UBR4: variants seen among roughly 807,000 people sequenced by gnomAD.
The protein encoded by UBR4 is E3 ubiquitin-protein ligase UBR4.
A neutral mutation model predicts 575.6 loss-of-function variants in UBR4; 124 were observed. That is an observed-to-expected ratio of 0.22 (90% CI 0.19 to 0.25). UBR4 has a LOEUF of 0.25. Ranked by LOEUF, UBR4 falls within the 10% of genes least tolerant of loss-of-function variation. UBR4 has a pLI of 1.00. For synonymous variants in UBR4, 2,455 were observed against 2,473.7 expected (o/e 0.99, Z 0.22); for missense variants, 4,818 against 6,478.8 (o/e 0.74, Z 8.80).
chr1:19,095,757 G>A (rs1358844648), intron 92 of UBR4, 105 bp from the exon 93 acceptor site: 7 of 1,003,308 alleles, frequency 7.0e-6, no homozygotes, highest in African/African-American at 1.6e-5. Flanking sequence ...ATCAGCAGGG[G>A]CTCCTCCTGA....
In UBR4 at chr1:19,151,807, G is replaced by C; in HGVS notation, c.7049C>G (p.Thr2350Arg). 6.2e-7 allele frequency: 1 copy of C among 1,613,946 alleles called. No individual in the cohort carries two copies. Among genetic ancestry groups the C allele is most frequent in the Non-Finnish European group, 8.5e-7 (1 of 1,179,928 alleles). The change falls in exon 48 of 106, where the codon ACA becomes AGA. Residue 2350 changes from threonine to arginine, a missense_variant. Physicochemically the swap from Thr to Arg is moderately conservative, Grantham distance 71 (BLOSUM62 -1). This residue lies in a region of UBR4 where 461 missense variants were observed against 606.9 expected (regional missense o/e 0.76). Transcript: ENST00000375254. The stretch of plus-strand genomic sequence containing the variant: ...AGTCCCAATCTGGATCCGCATGCCT[G>C]TCATCACCATAGTGCTATTGTTGTT... ...ISNNNSTMVM[T>R]GMRIQIGTQA...
rs187760206 is a variant in UBR4 at position 19,138,668 on chromosome 1, C to A, written c.8731+415G>T. ...CACATCAGATCATTAACAATAAGAT[C>A]GCTTAAAAAAAAACCCTTCCCCAAA... On this transcript the variant is annotated intron_variant, in intron 59 of 105. Coordinates refer to ENST00000375254, the MANE Select transcript of UBR4 (RefSeq NM_020765.3). 1.0e-3 allele frequency among the ~76,000 whole-genome samples: 155 copies of A among 150,290 alleles called. 3 individuals carry two copies. The East Asian group carries it at 0.023, about 22-fold the overall frequency.
Position 19,170,888 on chromosome 1 carries a change from G to A in UBR4, c.3522-5C>T, listed in dbSNP as rs2089426527. On this transcript the variant is annotated splice_polypyrimidine_tract_variant and splice_region_variant and intron_variant, in intron 25 of 105. Transcript: ENST00000375254. ...AAGTTTTGCAGCAAATAGGCTCTGG[G>A]GAAAAAACAGGGGGAAAGTGAAGCC... 3 of 1,613,890 alleles carry A rather than the reference G, an allele frequency of 1.9e-6. No individual in the cohort carries two copies. The East Asian group carries it at 6.7e-5, about 36-fold the overall frequency.
rs545082666 is a variant in UBR4 at position 19,074,762 on chromosome 1, A to C, written c.*70T>G. 31 of 1,552,724 alleles carry C rather than the reference A, an allele frequency of 2.0e-5. No homozygotes were observed. The African/African-American group carries it at 3.1e-4, about 16-fold the overall frequency. On this transcript the variant is annotated 3_prime_UTR_variant, in exon 106 of 106. Coordinates refer to ENST00000375254, the MANE Select transcript of UBR4 (RefSeq NM_020765.3). The stretch of plus-strand genomic sequence containing the variant: ...GCATCCCGCGGAGGGAACTTAATGC[A>C]CAAGGAGGGAGAACAGAGGGTGGAA...
rs2077300589 is a variant in UBR4 at position 19,089,347 on chromosome 1, T to C, written c.14212-370A>G. 6.6e-6 allele frequency among the ~76,000 whole-genome samples: 1 copy of C among 152,184 alleles called. No individual in the cohort carries two copies. Among genetic ancestry groups the C allele is most frequent in the Non-Finnish European group, 1.5e-5 (1 of 68,040 alleles). ...GTAAGACAAGCAGCAACACCTGATGTGTACTGAGTGGTGAACCAGCAGCCA... is the reference window on the plus strand; with the variant it reads ...GTAAGACAAGCAGCAACACCTGATGCGTACTGAGTGGTGAACCAGCAGCCA... On this transcript the variant is annotated intron_variant, in intron 97 of 105. Transcript: ENST00000375254. The surrounding 1 kb of genome is among the most constrained non-coding windows in gnomAD (Gnocchi z 4.3).
At chr1:19,179,654 G>C (rs1250107528) in intron 17 of UBR4, among the ~76,000 whole-genome samples, 1 of 152,202 alleles carries the variant, frequency 6.6e-6, no homozygotes, top group African/African-American at 2.4e-5. Context: ...CAACAATTTA[G>C]AGATCCGCAG....
intron 1 of UBR4, among the ~76,000 whole-genome samples, chr1:19,209,069 CA>C (rs1433587057): frequency 6.6e-6 from 1 of 152,146 alleles, no homozygotes; most frequent in Non-Finnish European, 1.5e-5. Flanking sequence ...TACAAGTCTA[CA>C]ACAAGAAAAA....
At chr1:19,076,937 G>T (rs1261188956) in intron 104 of UBR4, 35 bp from the exon 105 acceptor site, 2 of 1,520,322 alleles carry the variant, frequency 1.3e-6, no homozygotes, top group South Asian at 1.3e-5. Flanking sequence ...AGAGGTGGGT[G>T]ACTTACTGCT....
intron 81 of UBR4, among the ~76,000 whole-genome samples, chr1:19,109,764 G>A (rs550776705): frequency 5.9e-5 from 9 of 152,338 alleles, no homozygotes; most frequent in East Asian, 5.8e-4. Flanking sequence ...TTCTATCACC[G>A]CACAGCACTG....
chr1:19,093,303 G>C lies in UBR4; in HGVS notation c.14111+10C>G. 1 of 1,611,764 alleles carries C rather than the reference G, an allele frequency of 6.2e-7. No homozygotes were observed. Among genetic ancestry groups the C allele is most frequent in the Non-Finnish European group, 8.5e-7 (1 of 1,179,118 alleles). Reference sequence around the variant, plus strand: ...AGGCAAAGCAGCCCCGCTGCGGGAGGGCTTCATACTTCTTGGCGCTAGGGA... The same window carrying C: ...AGGCAAAGCAGCCCCGCTGCGGGAGCGCTTCATACTTCTTGGCGCTAGGGA... On this transcript the variant is annotated intron_variant, in intron 96 of 105. Transcript: ENST00000375254. The surrounding 1 kb of genome is among the most constrained non-coding windows in gnomAD (Gnocchi z 4.8).
Position 19,160,135 on chromosome 1 carries a change from T to A in UBR4, c.5553A>T (p.Ala1851=). The change falls in exon 39 of 106, where the codon GCA becomes GCT. Residue 1851 remains alanine (A), a synonymous_variant. Transcript: ENST00000375254. The stretch of plus-strand genomic sequence containing the variant: ...CCATCAGCTGGTCTGTCATCTCCAC[T>A]GCCTTCTCCACAGTGTGTAGCTCAC... ...ALSELHTVEK[A]VEMTDQLMVP... 5 of 1,613,128 alleles carry A rather than the reference T, an allele frequency of 3.1e-6. No individual in the cohort carries two copies. Among genetic ancestry groups the A allele is most frequent in the Non-Finnish European group, 4.2e-6 (5 of 1,179,674 alleles).
At chr1:19,151,487 T>C in intron 48 of UBR4, 156 bp downstream of exon 48, 1 of 787,740 alleles carries the variant, frequency 1.3e-6, no homozygotes, top group East Asian at 2.7e-5. Flanking sequence ...ACCTTGCCTC[T>C]TTAATACATC....
At chr1:19,177,353 C>T (rs970184656) in intron 19 of UBR4, 108 bp downstream of exon 19, 14 of 1,437,014 alleles carry the variant, frequency 9.7e-6, no homozygotes, top group African/African-American at 1.4e-5. Flanking sequence ...CCTACCAAAA[C>T]CTAAAACCTA....
In UBR4 at chr1:19,110,201, A is replaced by G. The variant is rs1216203865; in HGVS notation, c.12000T>C (p.Ala4000=). 3 of 1,614,134 alleles carry G rather than the reference A, an allele frequency of 1.9e-6. No individual in the cohort carries two copies. The highest frequency in any genetic ancestry group is 2.5e-6 in the Non-Finnish European group (3 of 1,180,050). ...CCACCACAGGAGTCTTAATGTTCAC[A>G]GCCATGAGGAAAAGGCTGAGAGCTA... is the stretch of plus-strand genomic sequence containing the variant. ...LRCALSLFLM[A]VNIKTPVVVE... The change falls in exon 81 of 106, where the codon GCT becomes GCC. Residue 4000 remains alanine, a synonymous_variant. Coordinates refer to ENST00000375254, the MANE Select transcript of UBR4 (RefSeq NM_020765.3). This position sits in a 1 kb window ranked among gnomAD's most constrained non-coding sequence, Gnocchi z 4.5.
intron 11 of UBR4, 73 bp downstream of exon 11, chr1:19,192,115 T>C (rs149255093): frequency 5.8e-6 from 9 of 1,539,976 alleles, no homozygotes; most frequent in African/African-American, 2.8e-5. Context: ...TATGAAGTCA[T>C]ACTAGCTCCC....
At chr1:19,132,487 T>C (rs1161732586) in intron 60 of UBR4, among the ~76,000 whole-genome samples, 1 of 151,764 alleles carries the variant, frequency 6.6e-6, no homozygotes, top group Non-Finnish European at 1.5e-5. Flanking sequence ...TGGCTGAATA[T>C]GTATTTTTAA....
Position 19,173,028 on chromosome 1 carries a change from C to T in UBR4, c.3357G>A (p.Gln1119=). Residue 1119 remains glutamine (Q), a synonymous_variant, in exon 25 of 106, where the codon CAG becomes CAA. Coordinates refer to ENST00000375254, the MANE Select transcript of UBR4 (RefSeq NM_020765.3). ...ILQLHEIPSL[Q]SIYTLDAAIS... The stretch of plus-strand genomic sequence containing the variant: ...TCGCGGCATCAAGGGTGTAGATGGA[C>T]TGCAGACTGGGAATTTCATGCAGCT... The T allele has an allele frequency of 6.2e-7, 1 of 1,614,030 alleles. No homozygotes were observed. Among genetic ancestry groups the T allele is most frequent in the Non-Finnish European group, 8.5e-7 (1 of 1,179,994 alleles).
intron 1 of UBR4, among the ~76,000 whole-genome samples, chr1:19,209,227 T>C (rs1226138263): frequency 6.6e-6 from 1 of 152,210 alleles, no homozygotes; most frequent in African/African-American, 2.4e-5. Context: ...AAATGAGGTA[T>C]GGCTAGAAAA....
intron 68 of UBR4, among the ~76,000 whole-genome samples, chr1:19,120,771 C>G (rs2081087037): frequency 6.6e-6 from 1 of 152,208 alleles, no homozygotes; most frequent in South Asian, 2.1e-4. Context: ...ACCCTGACCA[C>G]TGATCTCAGG....
Sources: gnomAD v4.1 joint callset for allele counts (sites outside exome capture counted in the v4.1 genomes callset) on GRCh38, gnomAD v4.1.1 for gene constraint, gnomAD v4.1.1 regional missense constraint, Gnocchi (gnomAD v3.1) non-coding constraint, MANE v1.5 for transcripts, NCBI Gene and HGNC (gene_info 2026-07-23, HGNC 2026-07-21) for gene names.